Variants in LINGO2 observed in about 807,000 individuals in gnomAD.
The protein encoded by LINGO2 is leucine-rich repeat and immunoglobulin-like domain-containing nogo receptor-interacting protein 2.
Under a neutral mutation model 30.6 loss-of-function variants are expected in LINGO2, and 14 were observed. The observed-to-expected ratio is 0.46, with a 90% CI of 0.30 to 0.72. The LOEUF is 0.72. LINGO2 is among the 30% of genes least tolerant of loss of function. The pLI is 0.07. For missense variants in LINGO2, 729 were observed against 751.7 expected, an observed-to-expected ratio of 0.97 and a Z score of 0.35; for synonymous variants, 317 against 288.5, an observed-to-expected ratio of 1.10 and a Z score of -1.00.
rs943260234 is a variant in LINGO2 at position 27,962,549 on chromosome 9, C to A, written c.-35-11843G>T. Reference sequence around the variant, plus strand: ...CCCTTTACATCTGGAACTGCTCCCCCCCTTCTACGACTGTCCTTCAGCTAG... The same window carrying A: ...CCCTTTACATCTGGAACTGCTCCCCACCTTCTACGACTGTCCTTCAGCTAG... On this transcript the variant is annotated intron_variant, in intron 5 of 5. Coordinates refer to ENST00000379992, the Ensembl canonical transcript of LINGO2. Among the ~76,000 whole-genome samples the A allele has an allele frequency of 8.5e-5, 13 of 152,232 alleles. No homozygotes were observed. The South Asian group carries it at 1.2e-3, about 15-fold the overall frequency.
chr9:28,079,820 T>C (rs1273808125), intron 4 of LINGO2, among the ~76,000 whole-genome samples: 1 of 152,224 alleles, frequency 6.6e-6, no homozygotes, highest in African/African-American at 2.4e-5. Context: ...CTTGACATCT[T>C]CTGTTGCATG....
At chr9:27,962,086 G>A (rs1028411008) in intron 5 of LINGO2, among the ~76,000 whole-genome samples, 1 of 152,080 alleles carries the variant, frequency 6.6e-6, no homozygotes, top group African/African-American at 2.4e-5. Context: ...GAATTTCTTT[G>A]GTAGGGCAGG....
the LINGO2 span, among the ~76,000 whole-genome samples, chr9:28,807,147 C>A: frequency 6.6e-6 from 1 of 151,984 alleles, no homozygotes; most frequent in African/African-American, 2.4e-5. Context: ...GCCTTAGCCT[C>A]CTGAGTAGCT....
chr9:28,224,136 C>G lies in LINGO2; in HGVS notation c.-87+71072G>C, dbSNP rs138689698. ...CTGGAGTGCAGTGGTGCCATCTCGG[C>G]TCACTGCAAGCTCTGCCTCTCGGGT... On this transcript the variant is annotated intron_variant, in intron 4 of 5. Coordinates refer to ENST00000379992, the Ensembl canonical transcript of LINGO2. Among the ~76,000 whole-genome samples, 314 of 152,286 alleles carry G rather than the reference C, an allele frequency of 2.1e-3. 1 individual carries two copies. The highest frequency in any genetic ancestry group is 0.014 in the Middle Eastern group (4 of 294).
the LINGO2 span, among the ~76,000 whole-genome samples, chr9:29,024,519 T>C: frequency 6.6e-6 from 1 of 152,056 alleles, no homozygotes; most frequent in East Asian, 1.9e-4. Flanking sequence ...AGCAGCAGGG[T>C]CAATAATCTT....
the LINGO2 span, among the ~76,000 whole-genome samples, chr9:28,801,116 C>G: frequency 5.9e-5 from 9 of 152,032 alleles, no homozygotes; most frequent in Non-Finnish European, 8.8e-5. Context: ...CATTTTGAAG[C>G]ATTAACCCTC....
At chr9:28,080,283 T>C (rs937616001) in intron 4 of LINGO2, among the ~76,000 whole-genome samples, 1 of 152,226 alleles carries the variant, frequency 6.6e-6, no homozygotes, top group Non-Finnish European at 1.5e-5. Flanking sequence ...CCATGGCATA[T>C]GACCTCCTAC....
At chr9:29,105,762 T>C in the LINGO2 span, among the ~76,000 whole-genome samples, 2 of 151,922 alleles carry the variant, frequency 1.3e-5, no homozygotes, top group African/African-American at 4.8e-5. Flanking sequence ...AGGGAAAGAG[T>C]CATGAACTAC....
At chr9:29,144,532 T>A in the LINGO2 span, among the ~76,000 whole-genome samples, 1 of 152,174 alleles carries the variant, frequency 6.6e-6, no homozygotes, top group Non-Finnish European at 1.5e-5. Context: ...TGAGAACCAG[T>A]TGAGTAACAG....
chr9:28,274,987 C>G (rs1243224288), intron 4 of LINGO2, among the ~76,000 whole-genome samples: 1 of 152,160 alleles, frequency 6.6e-6, no homozygotes, highest in East Asian at 1.9e-4. Context: ...GATTTCCTGT[C>G]AGTATGAGTA....
the LINGO2 span, among the ~76,000 whole-genome samples, chr9:28,719,226 T>C: frequency 6.6e-6 from 1 of 152,056 alleles, no homozygotes; most frequent in African/African-American, 2.4e-5. Context: ...TCTACCCGTT[T>C]GTGTCTTTAA....
chr9:28,562,915 C>T (rs377298420), intron 1 of LINGO2, among the ~76,000 whole-genome samples: 15 of 152,150 alleles, frequency 9.9e-5, no homozygotes, highest in East Asian at 1.9e-4. Flanking sequence ...GGCACAATCT[C>T]GGCTCACTGC....
At chr9:28,213,109 C>A (rs1820647317) in intron 4 of LINGO2, among the ~76,000 whole-genome samples, 1 of 151,454 alleles carries the variant, frequency 6.6e-6, no homozygotes, top group Non-Finnish European at 1.5e-5. Flanking sequence ...CAAAGCATAG[C>A]AAACACATTC....
chr9:28,300,124 T>C (rs1429063501), intron 3 of LINGO2, among the ~76,000 whole-genome samples: 1 of 52,188 alleles, frequency 1.9e-5, no homozygotes, highest in African/African-American at 8.0e-5. Context: ...ATTTTTCTAA[T>C]GGAAAAAAAA....
chr9:28,385,551 C>T (rs1438903281), intron 2 of LINGO2, among the ~76,000 whole-genome samples: 1 of 152,052 alleles, frequency 6.6e-6, no homozygotes. Context: ...TAAAATTAGG[C>T]TTTGTGGCTG....
the LINGO2 span, among the ~76,000 whole-genome samples, chr9:28,926,507 A>C: frequency 2.0e-5 from 3 of 149,426 alleles, no homozygotes; most frequent in Non-Finnish European, 4.5e-5. Context: ...ATAATCTAAA[A>C]GCAGAAATGA....
the LINGO2 span, among the ~76,000 whole-genome samples, chr9:28,754,793 G>T: frequency 6.6e-6 from 1 of 151,656 alleles, no homozygotes; most frequent in African/African-American, 2.4e-5. Context: ...ACCACACCGG[G>T]CTAATTTTTT....
chr9:28,084,469 A>C (rs1024238678), intron 4 of LINGO2, among the ~76,000 whole-genome samples: 2 of 152,094 alleles, frequency 1.3e-5, no homozygotes, highest in African/African-American at 4.8e-5. Context: ...GAAGGAAGGA[A>C]ATTAGCAGTT....
intron 2 of LINGO2, among the ~76,000 whole-genome samples, chr9:28,383,804 G>T (rs1000126802): frequency 6.6e-6 from 1 of 151,934 alleles, no homozygotes; most frequent in East Asian, 1.9e-4. Flanking sequence ...ATTAAACAGA[G>T]ATTTTAATAT....
Sources: gnomAD v4.1 joint callset for allele counts (sites outside exome capture counted in the v4.1 genomes callset) on GRCh38, gnomAD v4.1.1 for gene constraint, MANE v1.5 for transcripts, NCBI Gene and HGNC (gene_info 2026-07-23, HGNC 2026-07-21) for gene names.